Variants in EHBP1 observed in about 807,000 individuals in gnomAD.
The protein encoded by EHBP1 is EH domain-binding protein 1.
EHBP1 carries 55 observed loss-of-function variants against 144.0 expected under a neutral mutation model. That is an observed-to-expected ratio of 0.38 (90% CI 0.31 to 0.48). The LOEUF (loss-of-function observed/expected upper bound fraction) is 0.48. Among genes scored for constraint, EHBP1 ranks in the 20% least tolerant of loss-of-function variants. The probability of loss-of-function intolerance (pLI) is 0.98; values close to 1 mark genes in which losing one functional copy is unlikely to be tolerated. For missense variants in EHBP1, 1,200 were observed against 1,364.2 expected, an observed-to-expected ratio of 0.88 and a Z score of 1.90; for synonymous variants, 469 against 472.7, an observed-to-expected ratio of 0.99 and a Z score of 0.10.
intron 10 of EHBP1, among the ~76,000 whole-genome samples, chr2:62,925,021 G>A (rs1344007761): frequency 6.6e-6 from 1 of 152,056 alleles, no homozygotes; most frequent in Non-Finnish European, 1.5e-5. Flanking sequence ...ATGACCAAGT[G>A]GAATTTAGCC....
chr2:62,912,368 A>G (rs1420445918), intron 10 of EHBP1, among the ~76,000 whole-genome samples: 1 of 152,112 alleles, frequency 6.6e-6, no homozygotes, highest in Non-Finnish European at 1.5e-5. Flanking sequence ...CATGACCAAC[A>G]TGGTAAAACC....
chr2:62,899,468 A>G (rs192364516), intron 10 of EHBP1, among the ~76,000 whole-genome samples: 1 of 152,314 alleles, frequency 6.6e-6, no homozygotes, highest in East Asian at 1.9e-4. Context: ...TCAGTTTTGC[A>G]GTTTATAGGC....
chr2:62,774,426 C>T (rs1023339852), intron 5 of EHBP1, among the ~76,000 whole-genome samples: 2 of 150,942 alleles, frequency 1.3e-5, no homozygotes, highest in Non-Finnish European at 3.0e-5. Flanking sequence ...TGTTCTTAGA[C>T]ATTTTCTTTA....
intron 4 of EHBP1, among the ~76,000 whole-genome samples, chr2:62,767,995 G>C (rs974343502): frequency 1.3e-5 from 2 of 152,182 alleles, no homozygotes; most frequent in Admixed American, 6.5e-5. Flanking sequence ...CGATGCAACA[G>C]ACCAGAATCA....
intron 10 of EHBP1, among the ~76,000 whole-genome samples, chr2:62,932,623 C>T (rs1397648072): frequency 6.6e-6 from 1 of 152,060 alleles, no homozygotes; most frequent in Admixed American, 6.6e-5. Context: ...TGTTTCAAAA[C>T]AATGTGAATA....
intron 5 of EHBP1, among the ~76,000 whole-genome samples, chr2:62,825,749 G>T (rs2046302506): frequency 6.6e-6 from 1 of 152,036 alleles, no homozygotes; most frequent in African/African-American, 2.4e-5. Context: ...ATTTGTTGAT[G>T]CCTAGCCCTG....
In EHBP1 at chr2:62,793,549, TAAAATG is replaced by T. The variant is rs372544669; in HGVS notation, c.312+22161_312+22166del. Among the ~76,000 whole-genome samples, 347 of 152,204 alleles carry T rather than the reference TAAAATG, an allele frequency of 2.3e-3. 2 individuals are homozygous for T. Among genetic ancestry groups the T allele is most frequent in the African/African-American group, 7.8e-3 (326 of 41,560 alleles). On this transcript the variant is annotated intron_variant, in intron 5 of 22. Transcript: ENST00000431489. ...CATATATGTCAACAAGTAGATCATA[TAAAATG>T]AAAGTGATGACTAGGGGTGTGTGTG... is the stretch of plus-strand genomic sequence containing the variant.
At chr2:62,739,555 A>G (rs1379911252) in intron 2 of EHBP1, among the ~76,000 whole-genome samples, 1 of 152,212 alleles carries the variant, frequency 6.6e-6, no homozygotes, top group Non-Finnish European at 1.5e-5. Flanking sequence ...CTGTAAAACA[A>G]TAAAGTATGA....
rs759270067 is a variant in EHBP1, at chr2:62,874,451, T to A, written c.1104T>A (p.Ala368=). 2 of 1,613,652 alleles carry A rather than the reference T, an allele frequency of 1.2e-6. No homozygotes were observed. The highest frequency in any genetic ancestry group is 1.7e-6 in the Non-Finnish European group (2 of 1,179,730). Residue 368 remains alanine (A), a synonymous_variant, in exon 10 of 23, where the codon GCT becomes GCA. Transcript: ENST00000431489. ...GGCGAGTGAAAAGAAAGGCCCCGGC[T>A]CCACCAGTCCTCTCACCAAAAACAG... ...TERRVKRKAP[A]PPVLSPKTGV... is the part of the protein sequence containing the mutation.
chr2:62,981,929 T>C (rs557719842), intron 15 of EHBP1, among the ~76,000 whole-genome samples: 2 of 152,294 alleles, frequency 1.3e-5, no homozygotes, highest in African/African-American at 4.8e-5. Context: ...GGACACAGCA[T>C]ATCTTGGATG....
At chr2:62,774,311 C>T (rs2041901247) in intron 5 of EHBP1, among the ~76,000 whole-genome samples, 1 of 150,260 alleles carries the variant, frequency 6.7e-6, no homozygotes, top group Non-Finnish European at 1.5e-5. Flanking sequence ...GCAGAGGTTG[C>T]AGTGAGCCAA....
chr2:62,943,974 G>A, intron 12 of EHBP1, 124 bp downstream of exon 12: 1 of 595,582 alleles, frequency 1.7e-6, no homozygotes, highest in East Asian at 3.0e-5. Context: ...AGGGTTGTCT[G>A]CTTACTGCGG....
chr2:62,781,345 G>T (rs1232386899), intron 5 of EHBP1, among the ~76,000 whole-genome samples: 1 of 151,950 alleles, frequency 6.6e-6, no homozygotes, highest in African/African-American at 2.4e-5. Context: ...TTGGAAATTT[G>T]ATTCAAATTC....
chr2:62,840,835 AAAC>A (rs1238689113), intron 7 of EHBP1, among the ~76,000 whole-genome samples: 22 of 151,968 alleles, frequency 1.4e-4, no homozygotes, highest in Non-Finnish European at 2.5e-4. Flanking sequence ...AAAAGTCAGG[AAAC>A]AACATGTGCT....
intron 10 of EHBP1, among the ~76,000 whole-genome samples, chr2:62,894,181 A>G (rs2052691490): frequency 6.6e-6 from 1 of 152,202 alleles, no homozygotes; most frequent in Admixed American, 6.5e-5. Context: ...GTTGAGAGGG[A>G]CATGACTAAG....
intron 1 of EHBP1, among the ~76,000 whole-genome samples, chr2:62,679,416 T>A (rs2033428789): frequency 6.6e-6 from 1 of 152,240 alleles, no homozygotes; most frequent in South Asian, 2.1e-4. Flanking sequence ...CTGGTATGTG[T>A]ACCTGATTAA....
chr2:62,702,382 T>C (rs1462078244), upstream of EHBP1, among the ~76,000 whole-genome samples: 1 of 152,048 alleles, frequency 6.6e-6, no homozygotes, highest in Non-Finnish European at 1.5e-5. Flanking sequence ...AGACGATAAA[T>C]CAAGATCCGA....
intron 5 of EHBP1, among the ~76,000 whole-genome samples, chr2:62,816,503 G>A (rs1159106567): frequency 6.6e-6 from 1 of 152,142 alleles, no homozygotes; most frequent in South Asian, 2.1e-4. Context: ...CTTGAGAACT[G>A]TTAGTCTAAA....
intron 2 of EHBP1, among the ~76,000 whole-genome samples, chr2:62,711,361 A>G (rs1274599126): frequency 6.6e-6 from 1 of 152,218 alleles, no homozygotes; most frequent in Non-Finnish European, 1.5e-5. Context: ...GAGACAATCA[A>G]TAATGACTAT....
Sources: allele counts gnomAD v4.1 joint callset (sites outside exome capture counted in the v4.1 genomes callset), GRCh38; gene constraint gnomAD v4.1.1; transcripts MANE v1.5; gene names NCBI Gene and HGNC (gene_info 2026-07-23, HGNC 2026-07-21).